The following PTAFR variants were observed in gnomAD, a reference collection of about 807,000 sequenced individuals.
PTAFR encodes platelet activating factor receptor.
In PTAFR, 8 loss-of-function variants were observed where a neutral mutation model predicts 14.7. The ratio of observed to expected loss-of-function variants is 0.54; its 90% CI spans 0.32 to 0.98. PTAFR has a LOEUF of 0.98. PTAFR is among the 50% of genes least tolerant of loss of function. The pLI, the probability that PTAFR is intolerant of heterozygous loss-of-function variation, is 0.04. For missense variants in PTAFR, 337 were observed against 451.2 expected (o/e 0.75, Z 2.29); for synonymous variants, 156 against 176.5 (o/e 0.88, Z 0.92).
chr1:28,178,689 C>T (rs1443941929), upstream of PTAFR, among the ~76,000 whole-genome samples: 2 of 151,888 alleles, frequency 1.3e-5, no homozygotes, highest in African/African-American at 2.4e-5. Flanking sequence ...CTTGCACACT[C>T]GCATACACTC....
At chr1:28,187,044 G>A (rs1378632827) in intron 1 of PTAFR, among the ~76,000 whole-genome samples, 1 of 152,162 alleles carries the variant, frequency 6.6e-6, no homozygotes, top group Non-Finnish European at 1.5e-5. Context: ...GCCCGCCTCG[G>A]CCTCCCAAAG....
chr1:28,178,547 C>T (rs554617128), upstream of PTAFR, among the ~76,000 whole-genome samples: 2 of 152,250 alleles, frequency 1.3e-5, no homozygotes, highest in East Asian at 3.9e-4. Context: ...AGGCATGACC[C>T]ACCGCGCCTG....
chr1:28,184,921 T>A (rs1646593982), intron 1 of PTAFR, among the ~76,000 whole-genome samples: 1 of 152,018 alleles, frequency 6.6e-6, no homozygotes. Flanking sequence ...ATTACAGGCG[T>A]AAGCCACCAT....
At chr1:28,166,426 C>A (rs993277919) in intron 1 of PTAFR, among the ~76,000 whole-genome samples, 5 of 152,148 alleles carry the variant, frequency 3.3e-5, no homozygotes, top group Non-Finnish European at 7.3e-5. Flanking sequence ...AATCCCAGCA[C>A]TTTGTGGGGC....
upstream of PTAFR, among the ~76,000 whole-genome samples, chr1:28,179,399 T>C (rs866352834): frequency 3.3e-5 from 5 of 152,326 alleles, no homozygotes; most frequent in South Asian, 8.3e-4. Context: ...AGATTATCAA[T>C]AAGCAGGGTA....
intron 1 of PTAFR, among the ~76,000 whole-genome samples, chr1:28,162,879 G>A (rs1205557332): frequency 6.7e-6 from 1 of 148,228 alleles, no homozygotes; most frequent in East Asian, 2.0e-4. Context: ...AAGATTCCCA[G>A]GCGATTCGTG....
intron 1 of PTAFR, among the ~76,000 whole-genome samples, chr1:28,153,132 T>TAAAATA (rs1406501586): frequency 2.6e-5 from 4 of 151,626 alleles, no homozygotes; most frequent in Non-Finnish European, 5.9e-5. Context: ...CCGTCTCTAG[T>TAAAATA]AAAATAAAAA....
rs377480051 is a variant in PTAFR, at chr1:28,150,535, C to G, written c.487G>C (p.Asp163His). The change falls in exon 2 of 2, where the codon GAC becomes CAC. Residue 163 changes from aspartate to histidine, a missense_variant. Physicochemically the swap from Asp to His is moderately conservative, Grantham distance 81 (BLOSUM62 -1). Transcript: ENST00000373857. This position sits in a 1 kb window ranked among gnomAD's most constrained non-coding sequence, Gnocchi z 6.3. ...LILDSTNTVPDSAGSGNVTRC... is the reference protein window; with the variant it reads ...LILDSTNTVPHSAGSGNVTRC... ...GTGACGTTGCCTGAGCCAGCACTGT[C>G]GGGCACTGTGTTGGTGGAGTCCAGG... 2 of 1,614,180 alleles carry G rather than the reference C, an allele frequency of 1.2e-6. No individual in the cohort carries two copies. The highest frequency in any genetic ancestry group is 1.7e-6 in the Non-Finnish European group (2 of 1,180,032).
At position 28,149,192 on chromosome 1, in the gene PTAFR, C is replaced by T. The variant is rs1000830689; in HGVS notation, c.*801G>A. On this transcript the variant is annotated 3_prime_UTR_variant, in exon 2 of 2. Transcript: ENST00000373857. ...TTCCCCTGAGAAAGGTCACAAAGAC[C>T]TTGTGCCGGAGGGTGGAGAGAGGAT... is the stretch of plus-strand genomic sequence containing the variant. 6.6e-6 allele frequency: 1 copy of T among 152,418 alleles called. No individual in the cohort carries two copies. Among genetic ancestry groups the T allele is most frequent in the Non-Finnish European group, 1.5e-5 (1 of 68,128 alleles). 9.4% of individuals were successfully genotyped at this position (152,418 alleles called of 1,614,324 possible).
chr1:28,167,631 G>C (rs1333009940), intron 1 of PTAFR, among the ~76,000 whole-genome samples: 1 of 126,428 alleles, frequency 7.9e-6, no homozygotes, highest in Non-Finnish European at 1.6e-5. Context: ...ACTGAAAACG[G>C]GATTTTTTTT....
At chr1:28,162,370 G>T (rs1469422978) in intron 1 of PTAFR, among the ~76,000 whole-genome samples, 1 of 152,162 alleles carries the variant, frequency 6.6e-6, no homozygotes. Flanking sequence ...CAACCGACAG[G>T]ATTGCCTACT....
At chr1:28,162,852 A>G (rs1309515008) in intron 1 of PTAFR, among the ~76,000 whole-genome samples, 2 of 150,400 alleles carry the variant, frequency 1.3e-5, no homozygotes, top group African/African-American at 4.9e-5. Flanking sequence ...AAAAAAAAAA[A>G]GACTCCATAT....
intron 1 of PTAFR, among the ~76,000 whole-genome samples, chr1:28,151,946 G>A (rs1044987119): frequency 6.6e-6 from 1 of 152,118 alleles, no homozygotes; most frequent in Non-Finnish European, 1.5e-5. Context: ...AGGCTAGAGT[G>A]CAGTGGTGCG....
At chr1:28,186,662 A>G (rs899063115) in intron 1 of PTAFR, among the ~76,000 whole-genome samples, 6 of 152,178 alleles carry the variant, frequency 3.9e-5, no homozygotes, top group African/African-American at 1.4e-4. Context: ...AGTGGCACAC[A>G]CCTGTAATCT....
intron 1 of PTAFR, among the ~76,000 whole-genome samples, chr1:28,184,596 CCTT>C (rs1646591195): frequency 6.6e-6 from 1 of 152,030 alleles, no homozygotes; most frequent in African/African-American, 2.4e-5. Context: ...TTCTTCCTGC[CCTT>C]CTTCAACACA....
rs544924941 is a variant in PTAFR, at chr1:28,172,171, A to G, written c.-39+4421T>C. Among the ~76,000 whole-genome samples the G allele has an allele frequency of 7.9e-5, 12 of 152,300 alleles. 1 individual carries two copies. The highest frequency in any genetic ancestry group is 7.8e-4 in the Admixed American group (12 of 15,298). On this transcript the variant is annotated intron_variant, in intron 1 of 1. Coordinates refer to ENST00000373857, the MANE Select transcript of PTAFR (RefSeq NM_000952.5). ...GCTGGGATTACAAGCGCATGCCACC[A>G]TGCCTGGCTAATTTTTATATTTTTA... is the stretch of plus-strand genomic sequence containing the variant.
rs536820070 is a variant in PTAFR, at chr1:28,155,106, C to T, written c.-38-4047G>A. Among the ~76,000 whole-genome samples the T allele has an allele frequency of 5.9e-5, 9 of 152,264 alleles. No individual in the cohort carries two copies. The South Asian group carries it at 8.3e-4, about 14-fold the overall frequency. ...CTCTAGCCAGAACGGACTTCCCAGG[C>T]GGACCTTCAAACCTGTCCAGACATT... On this transcript the variant is annotated intron_variant, in intron 1 of 1. Transcript: ENST00000373857.
intron 1 of PTAFR, among the ~76,000 whole-genome samples, chr1:28,168,880 A>C (rs1646421611): frequency 6.6e-6 from 1 of 151,934 alleles, no homozygotes; most frequent in African/African-American, 2.4e-5. Context: ...GTTGACCAGG[A>C]TAGTCTCGAA....
At chr1:28,181,495 T>C (rs1646562192), upstream of PTAFR, among the ~76,000 whole-genome samples, 1 of 151,866 alleles carries the variant, frequency 6.6e-6, no homozygotes, top group Non-Finnish European at 1.5e-5. Context: ...GCCTGTAATC[T>C]CAGTACTTTG....
Sources: allele counts gnomAD v4.1 joint callset (sites outside exome capture counted in the v4.1 genomes callset), GRCh38; gene constraint gnomAD v4.1.1; non-coding constraint Gnocchi (gnomAD v3.1); transcripts MANE v1.5; gene names NCBI Gene and HGNC (gene_info 2026-07-23, HGNC 2026-07-21).